The following SLC12A7 variants were observed in gnomAD, a reference collection of about 807,000 sequenced individuals.
SLC12A7 encodes the protein solute carrier family 12 member 7, also known as K-Cl cotransporter 4.
A neutral mutation model predicts 120.6 loss-of-function variants in SLC12A7; 100 were observed. The observed-to-expected ratio is 0.83, with a 90% confidence interval of 0.71 to 0.98. The LOEUF (loss-of-function observed/expected upper bound fraction) is 0.98, where lower values mean the gene tolerates loss of function less well. SLC12A7 is among the 50% of genes least tolerant of loss of function. The pLI, the probability that SLC12A7 is intolerant of heterozygous loss-of-function variation, is 0.00. For missense variants in SLC12A7, 1,373 were observed against 1,548.1 expected, an observed-to-expected ratio of 0.89 and a Z score of 1.90; for synonymous variants, 760 against 678.0, an observed-to-expected ratio of 1.12 and a Z score of -1.88.
intron 20 of SLC12A7, among the ~76,000 whole-genome samples, chr5:1,063,145 C>T (rs1048443117): frequency 6.8e-4 from 104 of 152,320 alleles, no homozygotes; most frequent in African/African-American, 1.8e-3. Context: ...CCCATCAACC[C>T]CGTCCTCTCC....
intron 1 of SLC12A7, among the ~76,000 whole-genome samples, chr5:1,097,373 C>T (rs756648736): frequency 1.3e-5 from 2 of 152,182 alleles, no homozygotes; most frequent in Non-Finnish European, 2.9e-5. Flanking sequence ...GATGGCAACG[C>T]CTATCAGGCC....
intron 14 of SLC12A7, chr5:1,075,813 C>T: frequency 4.0e-6 from 2 of 499,994 alleles, no homozygotes; most frequent in Middle Eastern, 5.2e-4. Context: ...GTTAAGAAGA[C>T]CCACAGCCCT....
chr5:1,061,072 A>AGCTGTG (rs1419681694), intron 20 of SLC12A7, among the ~76,000 whole-genome samples: 1 of 91,060 alleles, frequency 1.1e-5, no homozygotes, highest in Non-Finnish European at 2.1e-5. Flanking sequence ...CACCCGCCGC[A>AGCTGTG]CCTGCCGCAT....
intron 3 of SLC12A7, among the ~76,000 whole-genome samples, chr5:1,092,074 G>C (rs1329920716): frequency 2.0e-5 from 3 of 152,260 alleles, no homozygotes; most frequent in Admixed American, 6.5e-5. Context: ...CCCACCCCAA[G>C]GTGGTCTCAC....
At chr5:1,112,179 C>A (rs1743076034), upstream of SLC12A7, 1 of 617,920 alleles carries the variant, frequency 1.6e-6, no homozygotes, top group Non-Finnish European at 2.3e-6. Context: ...CTGCAGGGAC[C>A]CCAACCCAGG....
chr5:1,068,286 T>G (rs1033570302), intron 17 of SLC12A7, among the ~76,000 whole-genome samples: 1 of 151,960 alleles, frequency 6.6e-6, no homozygotes, highest in Non-Finnish European at 1.5e-5. Flanking sequence ...AATACAAAAA[T>G]GAGCCGGGCG....
chr5:1,116,562 G>C (rs13165027), upstream of SLC12A7, among the ~76,000 whole-genome samples: 2 of 152,146 alleles, frequency 1.3e-5, no homozygotes, highest in Non-Finnish European at 2.9e-5. Context: ...TGTAATTCAC[G>C]GACACTGAGT....
At chr5:1,131,166 C>T in the SLC12A7 span, among the ~76,000 whole-genome samples, 1 of 152,168 alleles carries the variant, frequency 6.6e-6, no homozygotes, top group Non-Finnish European at 1.5e-5. Flanking sequence ...CGTCCCGGAT[C>T]GCTAGGGGAC....
chr5:1,138,267 C>G, the SLC12A7 span, among the ~76,000 whole-genome samples: 1 of 152,146 alleles, frequency 6.6e-6, no homozygotes, highest in Non-Finnish European at 1.5e-5. Flanking sequence ...CGGGGTGGGG[C>G]AGGGCAGGGC....
chr5:1,120,785 G>A, the SLC12A7 span, among the ~76,000 whole-genome samples: 5 of 152,088 alleles, frequency 3.3e-5, no homozygotes, highest in Non-Finnish European at 5.9e-5. Flanking sequence ...GGAGGAGGTC[G>A]GCATGATGCT....
At chr5:1,083,701 C>G (rs1739473290) in intron 8 of SLC12A7, 44 bp downstream of exon 8, 2 of 1,579,122 alleles carry the variant, frequency 1.3e-6, no homozygotes, top group Admixed American at 1.7e-5. Flanking sequence ...GCGCCTGCTG[C>G]CCCCGCCACC....
intron 21 of SLC12A7, 63 bp downstream of exon 21, chr5:1,060,281 A>T: frequency 8.0e-7 from 1 of 1,243,694 alleles, no homozygotes; most frequent in Non-Finnish European, 1.2e-6. Flanking sequence ...CCCAGAAAAG[A>T]CTCGGCGAAG....
chr5:1,074,719 C>T (rs773472837), intron 15 of SLC12A7, 48 bp from the exon 16 acceptor site: 1 of 1,555,742 alleles, frequency 6.4e-7, no homozygotes, highest in Non-Finnish European at 8.8e-7. Flanking sequence ...CCTGGAGGCT[C>T]CTCTCCCACC....
At chr5:1,111,480 G>C (rs570167359) in intron 1 of SLC12A7, among the ~76,000 whole-genome samples, 1 of 152,124 alleles carries the variant, frequency 6.6e-6, no homozygotes, top group East Asian at 1.9e-4. Context: ...GAGCGCGGGG[G>C]ACGCAGGACG....
the SLC12A7 span, among the ~76,000 whole-genome samples, chr5:1,117,600 C>T: frequency 5.9e-5 from 9 of 152,282 alleles, no homozygotes; most frequent in African/African-American, 1.7e-4. This position sits in a 1 kb window ranked among gnomAD's most constrained non-coding sequence, Gnocchi z 4.5. Flanking sequence ...ATCCTTGTTG[C>T]GCTAGATGGA....
intron 16 of SLC12A7, 106 bp downstream of exon 16, chr5:1,074,461 G>T: frequency 9.6e-7 from 1 of 1,043,290 alleles, no homozygotes; most frequent in Non-Finnish European, 1.4e-6. Context: ...TGCCTGAGCG[G>T]CTGAAGGTGA....
the SLC12A7 span, among the ~76,000 whole-genome samples, chr5:1,145,341 G>T: frequency 5.3e-5 from 8 of 152,126 alleles, no homozygotes; most frequent in African/African-American, 1.9e-4. The surrounding 1 kb of genome is among the most constrained non-coding windows in gnomAD (Gnocchi z 4.4). Flanking sequence ...AGCTGCTGGG[G>T]TGGTCACCCC....
intron 22 of SLC12A7, among the ~76,000 whole-genome samples, chr5:1,055,062 T>A (rs994895215): frequency 4.0e-5 from 6 of 151,842 alleles, no homozygotes; most frequent in Non-Finnish European, 8.8e-5. Context: ...TGGCTACTGG[T>A]GGAGTATGCC....
chr5:1,097,335 C>T (rs995145232), intron 1 of SLC12A7, among the ~76,000 whole-genome samples: 4 of 152,300 alleles, frequency 2.6e-5, no homozygotes, highest in South Asian at 4.1e-4. Context: ...CTCACCGCAG[C>T]GTCTCCTCTG....
Sources: allele counts gnomAD v4.1 joint callset (sites outside exome capture counted in the v4.1 genomes callset), GRCh38; gene constraint gnomAD v4.1.1; non-coding constraint Gnocchi (gnomAD v3.1); transcripts MANE v1.5; gene names NCBI Gene and HGNC (gene_info 2026-07-23, HGNC 2026-07-21).